Variants in LRP1B observed in about 807,000 individuals in gnomAD.
LRP1B encodes low-density lipoprotein receptor-related protein 1B.
Under a neutral mutation model 556.6 loss-of-function variants are expected in LRP1B, and 217 were observed. That is an observed-to-expected ratio of 0.39 (90% CI 0.35 to 0.44). The LOEUF (loss-of-function observed/expected upper bound fraction) is 0.44. Among genes scored for constraint, LRP1B ranks in the 20% least tolerant of loss-of-function variants. The pLI is 1.00. For missense variants in LRP1B, 5,053 were observed against 5,620.8 expected (o/e 0.90, Z 3.23); for synonymous variants, 2,047 against 1,865.8 (o/e 1.10, Z -2.50).
At chr2:141,378,832 G>A (rs1252061843) in intron 3 of LRP1B, among the ~76,000 whole-genome samples, 1 of 152,164 alleles carries the variant, frequency 6.6e-6, no homozygotes, top group Non-Finnish European at 1.5e-5. Flanking sequence ...CTGAAGAGCT[G>A]AAAGCCCAAA....
intron 41 of LRP1B, among the ~76,000 whole-genome samples, chr2:140,660,625 A>C (rs1685058015): frequency 6.6e-6 from 1 of 152,070 alleles, no homozygotes; most frequent in African/African-American, 2.4e-5. Context: ...CTTGAAACAA[A>C]GTTTTGGTTG....
chr2:140,606,871 A>G (rs2105214365), intron 41 of LRP1B, among the ~76,000 whole-genome samples: 1 of 152,126 alleles, frequency 6.6e-6, no homozygotes, highest in Non-Finnish European at 1.5e-5. Flanking sequence ...AAATAGGAAG[A>G]AATCTTCATA....
At chr2:141,911,038 G>A (rs545788179) in intron 1 of LRP1B, among the ~76,000 whole-genome samples, 1 of 152,024 alleles carries the variant, frequency 6.6e-6, no homozygotes, top group East Asian at 1.9e-4. Flanking sequence ...ATGCAGTTCT[G>A]TATTTATACA....
In LRP1B at chr2:142,083,092, T is replaced by A. The variant is rs760762406; in HGVS notation, c.82+47556A>T. Among the ~76,000 whole-genome samples, 4 of 152,180 alleles carry A rather than the reference T, an allele frequency of 2.6e-5. No homozygotes were observed. In the East Asian group the frequency reaches 7.7e-4, roughly 29 times the overall value. ...AGAAACTACAAGAGGTAAAGAAAAC[T>A]GGCTCAAGGTAGAGGTTCATAGGCC... is the stretch of plus-strand genomic sequence containing the variant. On this transcript the variant is annotated intron_variant, in intron 1 of 90. Coordinates refer to ENST00000389484, the MANE Select transcript of LRP1B (RefSeq NM_018557.3).
intron 2 of LRP1B, among the ~76,000 whole-genome samples, chr2:141,802,322 A>G (rs1488343761): frequency 6.6e-6 from 1 of 152,080 alleles, no homozygotes; most frequent in Non-Finnish European, 1.5e-5. Flanking sequence ...ACAAAAATAG[A>G]AACTATGAGG....
At chr2:141,954,450 G>C (rs746294576) in intron 1 of LRP1B, among the ~76,000 whole-genome samples, 1 of 152,016 alleles carries the variant, frequency 6.6e-6, no homozygotes, top group South Asian at 2.1e-4. Flanking sequence ...CATAACCTGG[G>C]TCAAACTGCC....
At chr2:141,784,227 A>G (rs1695353372) in intron 2 of LRP1B, among the ~76,000 whole-genome samples, 2 of 152,010 alleles carry the variant, frequency 1.3e-5, no homozygotes, top group Admixed American at 6.6e-5. Context: ...AAATAATTAC[A>G]TATACTGGTG....
intron 33 of LRP1B, 101 bp downstream of exon 33, chr2:140,775,997 A>T (rs1689481805): frequency 4.9e-6 from 5 of 1,022,032 alleles, no homozygotes; most frequent in Non-Finnish European, 7.1e-6. Context: ...TTTTTATTAG[A>T]AGCAAGAATA....
chr2:142,071,904 G>A (rs1341399100), intron 1 of LRP1B, among the ~76,000 whole-genome samples: 2 of 151,898 alleles, frequency 1.3e-5, no homozygotes, highest in Non-Finnish European at 2.9e-5. Flanking sequence ...CCAAAATGGA[G>A]ATTACTAACT....
At chr2:141,601,188 C>G (rs1687722086) in intron 2 of LRP1B, among the ~76,000 whole-genome samples, 1 of 142,588 alleles carries the variant, frequency 7.0e-6, no homozygotes, top group South Asian at 2.3e-4. Context: ...CATATAGTAT[C>G]TGTCTGTCTG....
intron 2 of LRP1B, among the ~76,000 whole-genome samples, chr2:141,807,794 T>C (rs1696212084): frequency 6.6e-6 from 1 of 152,030 alleles, no homozygotes; most frequent in African/African-American, 2.4e-5. Context: ...TTTAACAGCA[T>C]TGCAGTGGAG....
chr2:141,600,500 G>A (rs1687688126), intron 2 of LRP1B, among the ~76,000 whole-genome samples: 1 of 152,088 alleles, frequency 6.6e-6, no homozygotes, highest in South Asian at 2.1e-4. Context: ...GATGATGCAG[G>A]TGAGTATCTG....
rs141065640 is a variant in LRP1B at position 141,751,610 on chromosome 2, A to T, written c.205+58669T>A. ...ACTTAAATCTAACTATATCACAAGA[A>T]GGATTCTCTGTCTTTGTCCCCACCT... On this transcript the variant is annotated intron_variant, in intron 2 of 90. Coordinates refer to ENST00000389484, the MANE Select transcript of LRP1B (RefSeq NM_018557.3). Among the ~76,000 whole-genome samples, 735 of 152,206 alleles carry T rather than the reference A, an allele frequency of 4.8e-3. 3 individuals are homozygous for T. The highest frequency in any genetic ancestry group is 6.4e-3 in the Non-Finnish European group (436 of 67,982).
At chr2:142,011,172 A>T (rs1702948482) in intron 1 of LRP1B, among the ~76,000 whole-genome samples, 1 of 152,136 alleles carries the variant, frequency 6.6e-6, no homozygotes, top group African/African-American at 2.4e-5. Flanking sequence ...AAAGACTAAA[A>T]ATATCTCTGA....
At chr2:140,731,629 G>A (rs867691814) in intron 35 of LRP1B, among the ~76,000 whole-genome samples, 8 of 151,774 alleles carry the variant, frequency 5.3e-5, no homozygotes, top group South Asian at 2.1e-4. Context: ...TTAACTGGGC[G>A]TGGTGGCCCG....
intron 49 of LRP1B, among the ~76,000 whole-genome samples, chr2:140,523,152 C>A (rs1690255680): frequency 6.6e-6 from 1 of 151,970 alleles, no homozygotes. Context: ...TAACAAAATA[C>A]TAGCAAACCA....
intron 1 of LRP1B, among the ~76,000 whole-genome samples, chr2:141,868,558 T>C (rs545014026): frequency 6.6e-6 from 1 of 152,262 alleles, no homozygotes; most frequent in Non-Finnish European, 1.5e-5. Context: ...AGAATAAAGA[T>C]GAAGATGTTG....
chr2:141,523,543 G>A (rs984415982), intron 2 of LRP1B, among the ~76,000 whole-genome samples: 6 of 152,100 alleles, frequency 3.9e-5, no homozygotes, highest in Non-Finnish European at 8.8e-5. Flanking sequence ...ATAAAAATGT[G>A]TATGGTTATT....
chr2:141,410,062 C>A (rs937805516), intron 3 of LRP1B, among the ~76,000 whole-genome samples: 3 of 151,930 alleles, frequency 2.0e-5, no homozygotes, highest in South Asian at 2.1e-4. Flanking sequence ...AGAGAAAAAA[C>A]GTATAAGCAG....
Sources: gnomAD v4.1 joint callset for allele counts (sites outside exome capture counted in the v4.1 genomes callset) on GRCh38, gnomAD v4.1.1 for gene constraint, MANE v1.5 for transcripts, NCBI Gene and HGNC (gene_info 2026-07-23, HGNC 2026-07-21) for gene names.